Variants in MAP3K10 observed in about 807,000 individuals in gnomAD.
MAP3K10 encodes the protein MKN28 derived nonreceptor_type serine/threonine kinase.
A neutral mutation model predicts 75.0 loss-of-function variants in MAP3K10; 22 were observed. The ratio of observed to expected loss-of-function variants is 0.29; its 90% CI spans 0.21 to 0.42. MAP3K10 has a LOEUF of 0.42. Ranked by LOEUF, MAP3K10 falls within the 10% of genes least tolerant of loss-of-function variation. The probability of loss-of-function intolerance (pLI) is 1.00; values close to 1 mark genes in which losing one functional copy is unlikely to be tolerated. For missense variants in MAP3K10, 1,165 were observed against 1,379.8 expected, an observed-to-expected ratio of 0.84 and a Z score of 2.47; for synonymous variants, 599 against 612.9, an observed-to-expected ratio of 0.98 and a Z score of 0.34.
In MAP3K10 at chr19:40,192,733, C is replaced by T. The variant is rs1462982210; in HGVS notation, c.682+20C>T. On this transcript the variant is annotated intron_variant, in intron 1 of 9. Coordinates refer to ENST00000253055, the MANE Select transcript of MAP3K10 (RefSeq NM_002446.4). The surrounding 1 kb of genome is among the most constrained non-coding windows in gnomAD (Gnocchi z 7.1). ...TCAACAGTAAGTGGTGTCCTCTCCC[C>T]AAAATTCCTTCCACAGAACCTCTCA... 1 of 1,514,436 alleles carries T rather than the reference C, an allele frequency of 6.6e-7. No homozygotes were observed. Among genetic ancestry groups the T allele is most frequent in the South Asian group, 1.3e-5 (1 of 76,622 alleles). The allele number at this position is 1,514,436 out of a possible 1,614,324, so 93.8% of individuals were successfully genotyped here. A position where few individuals can be genotyped will look rare whatever the true frequency, so the allele number is the denominator to read the frequency against.
chr19:40,214,345 G>A (rs1973309654), intron 9 of MAP3K10, 124 bp downstream of exon 9: 5 of 1,179,052 alleles, frequency 4.2e-6, no homozygotes, highest in Non-Finnish European at 5.6e-6. Flanking sequence ...GGAGGAGGGA[G>A]GGTCTGTGTC....
rs8107448 is a variant in MAP3K10, at chr19:40,193,811, C to T, written c.682+1098C>T. 3.1e-3 allele frequency among the ~76,000 whole-genome samples: 479 copies of T among 152,340 alleles called. 2 individuals are homozygous for T. The highest frequency in any genetic ancestry group is 0.011 in the African/African-American group (469 of 41,578). ...ATCATGTGCTAAGCAAAGGCATCAGCAGTGGAGAAGGCCAGCATGTCCCCG... is the reference window on the plus strand; with the variant it reads ...ATCATGTGCTAAGCAAAGGCATCAGTAGTGGAGAAGGCCAGCATGTCCCCG... On this transcript the variant is annotated intron_variant, in intron 1 of 9. Coordinates refer to ENST00000253055, the MANE Select transcript of MAP3K10 (RefSeq NM_002446.4).
At position 40,214,059 on chromosome 19, in the gene MAP3K10, C is replaced by A. The variant is rs1443123375; in HGVS notation, c.2380C>A (p.Leu794Met). 1.3e-6 allele frequency: 2 copies of A among 1,548,972 alleles called. No homozygotes were observed. The highest frequency in any genetic ancestry group is 1.4e-5 in the African/African-American group (1 of 72,596). The change falls in exon 9 of 10, where the codon CTG becomes ATG. Residue 794 changes from leucine (L) to methionine (M), a missense_variant. This residue lies in a region of MAP3K10 where 590 missense variants were observed against 586.6 expected (regional missense o/e 1.01). Transcript: ENST00000253055. ...TPTPSPSTNP[L>M]VDLELESFKK... ...CACGCCCTCGCCCAGCACCAACCCCCTGGTGGACCTGGAGCTGGAGAGCTT... is the reference window on the plus strand; with the variant it reads ...CACGCCCTCGCCCAGCACCAACCCCATGGTGGACCTGGAGCTGGAGAGCTT...
chr19:40,192,269 GC>G lies in MAP3K10; in HGVS notation c.243del (p.Ala82LeufsTer19). 1 of 1,601,458 alleles carries G rather than the reference GC, an allele frequency of 6.2e-7. No individual in the cohort carries two copies. ...VFPSNYVAPG[A>X]PAAPAGLQLP... ...CCCCAGCAACTACGTGGCCCCCGGCGCCCCCGCTGCACCCGCGGGCCTCCAG... is the reference window on the plus strand; with the variant it reads ...CCCCAGCAACTACGTGGCCCCCGGCGCCCCGCTGCACCCGCGGGCCTCCAG... On this transcript the variant is annotated frameshift_variant, in exon 1 of 10. Coordinates refer to ENST00000253055, the MANE Select transcript of MAP3K10 (RefSeq NM_002446.4). LOFTEE classifies it high-confidence loss of function. This position sits in a 1 kb window ranked among gnomAD's most constrained non-coding sequence, Gnocchi z 7.1.
In MAP3K10 at chr19:40,205,023, C is replaced by G; in HGVS notation, c.1013-98C>G. On this transcript the variant is annotated intron_variant, in intron 3 of 9. Transcript: ENST00000253055. This position sits in a 1 kb window ranked among gnomAD's most constrained non-coding sequence, Gnocchi z 4.3. ...TCCATAGCAGCTGTTTGTCTGCCAT[C>G]CCCAGAAATTCTGCCTTCCTCTGAG... 3 of 1,097,084 alleles carry G rather than the reference C, an allele frequency of 2.7e-6. No individual in the cohort carries two copies. In the Admixed American group the frequency reaches 5.6e-5, roughly 20 times the overall value. 68.0% of individuals were successfully genotyped at this position (1,097,084 alleles called of 1,614,324 possible). A position where few individuals can be genotyped will look rare whatever the true frequency, so the allele number is the denominator to read the frequency against.
rs1973109503 is a variant in MAP3K10 at position 40,205,848 on chromosome 19, G to A, written c.1189-63G>A. ...GCACCAACCAGACGCAGCAGCCCTG[G>A]GTCCCTCCCCAGGAAGCAGAGCAGC... is the stretch of plus-strand genomic sequence containing the variant. On this transcript the variant is annotated intron_variant, in intron 4 of 9. Transcript: ENST00000253055. This position sits in a 1 kb window ranked among gnomAD's most constrained non-coding sequence, Gnocchi z 4.3. 1 of 1,447,060 alleles carries A rather than the reference G, an allele frequency of 6.9e-7. No individual in the cohort carries two copies. The highest frequency in any genetic ancestry group is 1.4e-5 in the African/African-American group (1 of 69,942). 89.6% of individuals were successfully genotyped at this position (1,447,060 alleles called of 1,614,324 possible).
rs531007082 is a variant in MAP3K10 at position 40,202,687 on chromosome 19, G to A, written c.864-1798G>A. 1.1e-4 allele frequency among the ~76,000 whole-genome samples: 16 copies of A among 152,104 alleles called. No individual in the cohort carries two copies. The South Asian group carries it at 1.9e-3, about 18-fold the overall frequency. On this transcript the variant is annotated intron_variant, in intron 2 of 9. Transcript: ENST00000253055. ...AAAAGACAGGCTCTCACTCTCCCAC[G>A]CAGGCTAGAATGTGGTGGTATAGTC...
In MAP3K10 at chr19:40,192,005, C is replaced by A; in HGVS notation, c.-27C>A. The A allele has an allele frequency of 7.3e-7, 1 of 1,376,144 alleles. No homozygotes were observed. The highest frequency in any genetic ancestry group is 9.4e-7 in the Non-Finnish European group (1 of 1,060,430). 85.2% of individuals were successfully genotyped at this position (1,376,144 alleles called of 1,614,324 possible). On this transcript the variant is annotated 5_prime_UTR_variant, in exon 1 of 10. Transcript: ENST00000253055. The surrounding 1 kb of genome is among the most constrained non-coding windows in gnomAD (Gnocchi z 7.1). ...CCCGCGGGCAGCCTGTGTGAAGCGG[C>A]CTCCCGCAGCCCCCGGCCCCTCCCC...
chr19:40,208,365 T>TTTTTA (rs1555756673), intron 5 of MAP3K10, among the ~76,000 whole-genome samples: 4 of 130,154 alleles, frequency 3.1e-5, no homozygotes, highest in African/African-American at 5.7e-5. Flanking sequence ...TTTTTTTTTT[T>TTTTTA]TTTTGTATTT....
Position 40,213,230 on chromosome 19 carries a change from C to T in MAP3K10, c.1837+42C>T. The T allele has an allele frequency of 6.6e-7, 1 of 1,518,640 alleles. No individual in the cohort carries two copies. Among genetic ancestry groups the T allele is most frequent in the African/African-American group, 1.4e-5 (1 of 72,180 alleles). 94.1% of individuals were successfully genotyped at this position (1,518,640 alleles called of 1,614,324 possible). A position where few individuals can be genotyped will look rare whatever the true frequency, so the allele number is the denominator to read the frequency against. ...TTGTAAGGGGGTGGGGGTTCCCTGG[C>T]CAAAGGGGTGAGCCTCCTGGGGCTG... On this transcript the variant is annotated intron_variant, in intron 8 of 9. Transcript: ENST00000253055. This position sits in a 1 kb window ranked among gnomAD's most constrained non-coding sequence, Gnocchi z 5.7.
intron 6 of MAP3K10, among the ~76,000 whole-genome samples, chr19:40,209,695 T>C (rs1028255280): frequency 3.9e-5 from 6 of 152,050 alleles, no homozygotes; most frequent in Non-Finnish European, 7.4e-5. Flanking sequence ...GATTACAGCA[T>C]GAGCCACCGC....
In MAP3K10 at chr19:40,215,081, C is replaced by A; in HGVS notation, c.2654C>A (p.Pro885Gln). 6.2e-7 allele frequency: 1 copy of A among 1,610,374 alleles called. No individual in the cohort carries two copies. Among genetic ancestry groups the A allele is most frequent in the Non-Finnish European group, 8.5e-7 (1 of 1,178,766 alleles). Reference protein sequence around the residue: ...PGRPTTLTFAPRPRPAASRPR... With the variant: ...PGRPTTLTFAQRPRPAASRPR... ...CGCCCCACCACCCTGACCTTTGCCCCGAGACCTCGGCCGGCTGCCAGTCGC... is the reference window on the plus strand; with the variant it reads ...CGCCCCACCACCCTGACCTTTGCCCAGAGACCTCGGCCGGCTGCCAGTCGC... Residue 885 changes from proline (P) to glutamine (Q), a missense_variant, in exon 10 of 10, where the codon CCG becomes CAG. Around this residue, in one of 2 missense-constraint regions of MAP3K10, gnomAD observed 590 missense variants for 586.6 expected, o/e 1.01. Coordinates refer to ENST00000253055, the MANE Select transcript of MAP3K10 (RefSeq NM_002446.4).
Position 40,214,968 on chromosome 19 carries a change from A to C in MAP3K10, c.2543-2A>C. ...TCACCTCCTCTGAACCTCTCTTACC[A>C]GGCCCTCGTGACCTTCTGGACTTCC... On this transcript the variant is annotated splice_acceptor_variant, in intron 9 of 9. Coordinates refer to ENST00000253055, the MANE Select transcript of MAP3K10 (RefSeq NM_002446.4). LOFTEE classifies it high-confidence loss of function. 1 of 1,510,222 alleles carries C rather than the reference A, an allele frequency of 6.6e-7. No homozygotes were observed. Among genetic ancestry groups the C allele is most frequent in the Non-Finnish European group, 9.1e-7 (1 of 1,098,608 alleles). The allele number at this position is 1,510,222 out of a possible 1,614,324, so 93.6% of individuals were successfully genotyped here.
chr19:40,197,737 G>A (rs536662406), intron 1 of MAP3K10, among the ~76,000 whole-genome samples: 33 of 152,304 alleles, frequency 2.2e-4, no homozygotes, highest in African/African-American at 7.2e-4. Context: ...TGATAGACAC[G>A]AGGGGGAAGC....
chr19:40,202,782 C>A (rs1227031006), intron 2 of MAP3K10, among the ~76,000 whole-genome samples: 2 of 152,172 alleles, frequency 1.3e-5, no homozygotes, highest in African/African-American at 4.8e-5. Context: ...CCCGGCCGGG[C>A]ACCCCTTCTT....
Position 40,204,765 on chromosome 19 carries a change from G to T in MAP3K10, c.1012+132G>T. 3 of 1,149,340 alleles carry T rather than the reference G, an allele frequency of 2.6e-6. No individual in the cohort carries two copies. 71.2% of individuals were successfully genotyped at this position (1,149,340 alleles called of 1,614,324 possible). ...GAGGAAGAAGGGGCTGGAACCCACT[G>T]GACTCTAAACAGCCTCCCCATGGTT... On this transcript the variant is annotated intron_variant, in intron 3 of 9. Transcript: ENST00000253055. The surrounding 1 kb of genome is among the most constrained non-coding windows in gnomAD (Gnocchi z 4.3).
rs1972836713 is a variant in MAP3K10 at position 40,192,408 on chromosome 19, C to T, written c.377C>T (p.Ala126Val). ...LWRGEEVAVK[A>V]ARLDPEKDPA... ...CGTGGCGAGGAGGTGGCAGTCAAGG[C>T]CGCCCGGCTGGACCCTGAGAAGGAC... is the stretch of plus-strand genomic sequence containing the variant. Residue 126 changes from alanine to valine, a missense_variant, in exon 1 of 10, where the codon GCC (alanine) becomes GTC (valine). Around this residue, in one of 2 missense-constraint regions of MAP3K10, gnomAD observed 575 missense variants for 793.2 expected, o/e 0.72. Coordinates refer to ENST00000253055, the MANE Select transcript of MAP3K10 (RefSeq NM_002446.4). This position sits in a 1 kb window ranked among gnomAD's most constrained non-coding sequence, Gnocchi z 7.1. 6.2e-7 allele frequency: 1 copy of T among 1,613,962 alleles called. No homozygotes were observed. The highest frequency in any genetic ancestry group is 8.5e-7 in the Non-Finnish European group (1 of 1,179,966).
At position 40,213,148 on chromosome 19, in the gene MAP3K10, C is replaced by G; in HGVS notation, c.1797C>G (p.His599Gln). ...CCAACCTGGGCAAGTCCCCCAAACA[C>G]ACACCCATCGCCCCTGGCTTTGCCA... ...SAPNLGKSPK[H>Q]TPIAPGFASL... The change falls in exon 8 of 10, where the codon CAC becomes CAG. Residue 599 changes from histidine to glutamine, a missense_variant. Transcript: ENST00000253055. The surrounding 1 kb of genome is among the most constrained non-coding windows in gnomAD (Gnocchi z 5.7). The G allele has an allele frequency of 6.3e-7, 1 of 1,598,734 alleles. No homozygotes were observed. The highest frequency in any genetic ancestry group is 8.5e-7 in the Non-Finnish European group (1 of 1,173,664).
In MAP3K10 at chr19:40,212,875, T is replaced by C; in HGVS notation, c.1623T>C (p.Gly541=). The change falls in exon 7 of 10, where the codon GGT becomes GGC. Residue 541 remains glycine, a synonymous_variant. Transcript: ENST00000253055. This position sits in a 1 kb window ranked among gnomAD's most constrained non-coding sequence, Gnocchi z 4.2. ...SSGGSGTWSR[G]GPPKKEELVG... ...GAGGAAGTGGGACATGGAGCCGCGG[T>C]GGGCCCCCAAAGAAGGAAGAACTGG... 6.2e-7 allele frequency: 1 copy of C among 1,611,820 alleles called. No homozygotes were observed. Among genetic ancestry groups the C allele is most frequent in the Non-Finnish European group, 8.5e-7 (1 of 1,179,354 alleles).
Sources: allele counts gnomAD v4.1 joint callset (sites outside exome capture counted in the v4.1 genomes callset), GRCh38; gene constraint gnomAD v4.1.1; regional missense constraint gnomAD v4.1.1; non-coding constraint Gnocchi (gnomAD v3.1); transcripts MANE v1.5; gene names NCBI Gene and HGNC (gene_info 2026-07-23, HGNC 2026-07-21).